The following FADS1 variants were observed in gnomAD, a reference collection of about 807,000 sequenced individuals.
FADS1 encodes acyl-CoA (8-3)-desaturase.
A neutral mutation model predicts 61.6 loss-of-function variants in FADS1; 17 were observed. That is an observed-to-expected ratio of 0.28 (90% CI 0.19 to 0.41). The LOEUF (loss-of-function observed/expected upper bound fraction) is 0.41, where lower values mean the gene tolerates loss of function less well. Among genes scored for constraint, FADS1 ranks in the 10% least tolerant of loss-of-function variants. FADS1 has a pLI of 1.00. For missense variants in FADS1, 387 were observed against 650.9 expected (o/e 0.59, Z 4.41); for synonymous variants, 238 against 258.7 (o/e 0.92, Z 0.77).
At position 61,816,501 on chromosome 11, in the gene FADS1, T is replaced by C. The variant is rs765810768; in HGVS notation, c.375+54A>G. 1.8e-5 allele frequency: 29 copies of C among 1,599,898 alleles called. No homozygotes were observed. Among genetic ancestry groups the C allele is most frequent in the Non-Finnish European group, 2.4e-5 (28 of 1,176,780 alleles). On this transcript the variant is annotated intron_variant, in intron 1 of 11. Transcript: ENST00000350997. The surrounding 1 kb of genome is among the most constrained non-coding windows in gnomAD (Gnocchi z 7.0). ...TCGGAGTGCGTAACTCTGTCTCCCC[T>C]GCACTCAGCCTCCGGTCCCGCCCTC...
In FADS1 at chr11:61,803,566, G is replaced by GA; in HGVS notation, c.1151+103dup. 7.4e-7 allele frequency: 1 copy of GA among 1,360,428 alleles called. No homozygotes were observed. The highest frequency in any genetic ancestry group is 1.2e-5 in the South Asian group (1 of 85,832). 84.3% of individuals were successfully genotyped at this position (1,360,428 alleles called of 1,614,324 possible). ...TGTCTACTTTCCCAAGCCAACTCCT[G>GA]AAACACCCACTGTTACCCAAAGCCC... On this transcript the variant is annotated intron_variant, in intron 8 of 11. Transcript: ENST00000350997. This position sits in a 1 kb window ranked among gnomAD's most constrained non-coding sequence, Gnocchi z 4.3.
intron 3 of FADS1, chr11:61,812,041 A>C (rs538417486): frequency 1.3e-5 from 4 of 318,466 alleles, no homozygotes; most frequent in East Asian, 1.7e-4. Context: ...ATGGACTGAC[A>C]TCTAGAATAC....
intron 1 of FADS1, 77 bp from the exon 2 acceptor site, chr11:61,813,430 C>G: frequency 1.2e-6 from 1 of 815,194 alleles, no homozygotes; most frequent in Non-Finnish European, 2.1e-6. Flanking sequence ...CAAAGGCCAT[C>G]CTCCTGCCCG....
At chr11:61,814,655 C>T (rs2066960332) in intron 1 of FADS1, 1 of 152,238 alleles carries the variant, frequency 6.6e-6, no homozygotes, top group Non-Finnish European at 1.5e-5. Flanking sequence ...GTTGCAGCAG[C>T]TGGCTGGGGT....
At chr11:61,811,123 C>T (rs775704536) in intron 3 of FADS1, 48 bp from the exon 4 acceptor site, 9 of 1,429,228 alleles carry the variant, frequency 6.3e-6, no homozygotes, top group Admixed American at 5.1e-5. Context: ...GCCCCAGTGT[C>T]GCCTTCACTG....
At chr11:61,814,060 CT>C (rs2066952723) in intron 1 of FADS1, 1 of 152,220 alleles carries the variant, frequency 6.6e-6, no homozygotes, top group Admixed American at 6.6e-5. Flanking sequence ...GCTGTGGAAG[CT>C]TTGTTCTTTG....
chr11:61,816,900 A>G lies in FADS1; in HGVS notation c.30T>C (p.Gly10=). Residue 10 remains glycine, a synonymous_variant, in exon 1 of 12, where the codon GGT becomes GGC. Coordinates refer to ENST00000350997, the MANE Select transcript of FADS1 (RefSeq NM_013402.7). The surrounding 1 kb of genome is among the most constrained non-coding windows in gnomAD (Gnocchi z 7.0). ...CCGGGTTTTCAGCACCGCAGGGCAG[A>G]CCGGCGGGCCTCGCAGCGCGCGTTC... MGTRAARPA[G]LPCGAENPAR... is the part of the protein sequence containing the mutation. 1 of 1,419,990 alleles carries G rather than the reference A, an allele frequency of 7.0e-7. No homozygotes were observed. 88.0% of individuals were successfully genotyped at this position (1,419,990 alleles called of 1,614,324 possible). A position where few individuals can be genotyped will look rare whatever the true frequency, so the allele number is the denominator to read the frequency against.
chr11:61,810,080 G>A (rs912564909), intron 5 of FADS1, among the ~76,000 whole-genome samples: 5 of 152,226 alleles, frequency 3.3e-5, no homozygotes, highest in Admixed American at 3.3e-4. Context: ...ACTTTTCAAA[G>A]AATTCTGCTG....
rs2066860747 is a variant in FADS1, at chr11:61,802,297, C to A, written c.*114G>T. ...GTTTGAGTCAGAGGCTTTATGTCCC[C>A]AAACCCAACCCCCTCTGAGTATTAA... On this transcript the variant is annotated 3_prime_UTR_variant, in exon 12 of 12. Coordinates refer to ENST00000350997, the MANE Select transcript of FADS1 (RefSeq NM_013402.7). The surrounding 1 kb of genome is among the most constrained non-coding windows in gnomAD (Gnocchi z 4.2). 2 of 988,070 alleles carry A rather than the reference C, an allele frequency of 2.0e-6. No individual in the cohort carries two copies. The highest frequency in any genetic ancestry group is 1.6e-5 in the African/African-American group (1 of 62,288). The allele number at this position is 988,070 out of a possible 1,614,324, so 61.2% of individuals were successfully genotyped here.
At chr11:61,811,655 A>G (rs544710781) in intron 3 of FADS1, among the ~76,000 whole-genome samples, 2 of 142,994 alleles carry the variant, frequency 1.4e-5, no homozygotes, top group East Asian at 2.1e-4. Context: ...AATGGTGCCA[A>G]CTCGGCTCAC....
chr11:61,816,408 C>A lies in FADS1; in HGVS notation c.375+147G>T, dbSNP rs777211354. On this transcript the variant is annotated intron_variant, in intron 1 of 11. Transcript: ENST00000350997. This position sits in a 1 kb window ranked among gnomAD's most constrained non-coding sequence, Gnocchi z 7.0. ...CTTTTCATCCCGCATCCGCAGGACA[C>A]CCAATCACCGGGCAACAGGTATGAT... 2 of 1,598,520 alleles carry A rather than the reference C, an allele frequency of 1.3e-6. No individual in the cohort carries two copies. The highest frequency in any genetic ancestry group is 1.7e-6 in the Non-Finnish European group (2 of 1,179,814).
rs1591154686 is a variant in FADS1, at chr11:61,813,451, G to A, written c.376-98C>T. On this transcript the variant is annotated intron_variant, in intron 1 of 11. Coordinates refer to ENST00000350997, the MANE Select transcript of FADS1 (RefSeq NM_013402.7). ...CCATCCTCCTGCCCGCCAGAAGGCT[G>A]TACCCAAGTTGAAGTGAGAGGTGAA... 6.9e-6 allele frequency: 5 copies of A among 724,460 alleles called. No homozygotes were observed. The East Asian group carries it at 1.0e-4, about 15-fold the overall frequency. The allele number at this position is 724,460 out of a possible 1,614,324, so 44.9% of individuals were successfully genotyped here. A position where few individuals can be genotyped will look rare whatever the true frequency, so the allele number is the denominator to read the frequency against.
At chr11:61,813,110 G>A (rs1325578085) in intron 2 of FADS1, 133 bp downstream of exon 2, 3 of 724,220 alleles carry the variant, frequency 4.1e-6, no homozygotes. Flanking sequence ...AGAGAAGCAG[G>A]GACCTCAAGA....
rs2066868711 is a variant in FADS1 at position 61,803,124 on chromosome 11, G to A, written c.1249-13C>T. 5.0e-6 allele frequency: 8 copies of A among 1,613,692 alleles called. No homozygotes were observed. Among genetic ancestry groups the A allele is most frequent in the Middle Eastern group, 3.3e-4 (2 of 6,084 alleles). ...ATGTGGCCTGGAGCTGGCGGAAAAG[G>A]TCAGGGGAGAGCATGTTGAATATCA... is the stretch of plus-strand genomic sequence containing the variant. On this transcript the variant is annotated splice_polypyrimidine_tract_variant and intron_variant, in intron 9 of 11. Transcript: ENST00000350997. This position sits in a 1 kb window ranked among gnomAD's most constrained non-coding sequence, Gnocchi z 4.3.
intron 5 of FADS1, among the ~76,000 whole-genome samples, chr11:61,807,830 C>T (rs2066904061): frequency 6.6e-6 from 1 of 152,222 alleles, no homozygotes; most frequent in Admixed American, 6.5e-5. Flanking sequence ...CTAGCTCACC[C>T]TTCCATGTGT....
chr11:61,809,037 G>A (rs1329562014), intron 5 of FADS1, among the ~76,000 whole-genome samples: 2 of 152,172 alleles, frequency 1.3e-5, no homozygotes, highest in African/African-American at 4.8e-5. Context: ...CCCTTACCAT[G>A]GCTTTCTAAG....
chr11:61,812,459 A>G lies in FADS1; in HGVS notation c.684+12T>C, dbSNP rs749496043. ...AGCATTGCTGTGCACTTGACAAGCC[A>G]AAGGCTCTCACCTGAACTGCACTGA... On this transcript the variant is annotated intron_variant, in intron 3 of 11. Coordinates refer to ENST00000350997, the MANE Select transcript of FADS1 (RefSeq NM_013402.7). 16 of 1,613,176 alleles carry G rather than the reference A, an allele frequency of 9.9e-6. No homozygotes were observed. The East Asian group carries it at 3.3e-4, about 34-fold the overall frequency.
intron 5 of FADS1, among the ~76,000 whole-genome samples, chr11:61,807,681 C>T (rs890258763): frequency 2.3e-4 from 35 of 152,154 alleles, no homozygotes; most frequent in Non-Finnish European, 5.0e-4. Context: ...AGTCTAGAAC[C>T]CCTGATGTGG....
At position 61,816,364 on chromosome 11, in the gene FADS1, C is replaced by T; in HGVS notation, c.375+191G>A. ...CATCCCCACTCCCCAGACTCCACTT[C>T]TCCAGGCCTCTCTCCCGCCTTTTCA... is the stretch of plus-strand genomic sequence containing the variant. On this transcript the variant is annotated intron_variant, in intron 1 of 11. Coordinates refer to ENST00000350997, the MANE Select transcript of FADS1 (RefSeq NM_013402.7). The surrounding 1 kb of genome is among the most constrained non-coding windows in gnomAD (Gnocchi z 7.0). 6.3e-7 allele frequency: 1 copy of T among 1,598,482 alleles called. No individual in the cohort carries two copies. The highest frequency in any genetic ancestry group is 8.5e-7 in the Non-Finnish European group (1 of 1,179,816).
Sources: allele counts gnomAD v4.1 joint callset (sites outside exome capture counted in the v4.1 genomes callset), GRCh38; gene constraint gnomAD v4.1.1; non-coding constraint Gnocchi (gnomAD v3.1); transcripts MANE v1.5; gene names NCBI Gene and HGNC (gene_info 2026-07-23, HGNC 2026-07-21).